Variants in DEF6 observed in about 807,000 individuals in gnomAD.
DEF6 encodes the protein DEF6 guanine nucleotide exchange factor.
A neutral mutation model predicts 80.5 loss-of-function variants in DEF6; 32 were observed. The observed-to-expected ratio is 0.40, with a 90% CI of 0.30 to 0.53. The LOEUF is 0.53. Ranked by LOEUF, DEF6 falls within the 20% of genes least tolerant of loss-of-function variation. The pLI is 0.57. For synonymous variants in DEF6, 300 were observed against 337.9 expected (o/e 0.89, Z 1.23); for missense variants, 575 against 818.7 (o/e 0.70, Z 3.63).
intron 1 of DEF6, among the ~76,000 whole-genome samples, chr6:35,308,447 C>T (rs139827767): frequency 4.5e-4 from 68 of 151,324 alleles, no homozygotes; most frequent in African/African-American, 1.4e-3. Flanking sequence ...CCGAGGTGGG[C>T]GGATCGCCTG....
intron 1 of DEF6, among the ~76,000 whole-genome samples, chr6:35,304,493 A>G (rs529863410): frequency 6.6e-6 from 1 of 152,224 alleles, no homozygotes; most frequent in Non-Finnish European, 1.5e-5. Flanking sequence ...GGGCAAGAAT[A>G]TGCCTGACCT....
chr6:35,312,413 C>G lies in DEF6; in HGVS notation c.535C>G (p.Leu179Val), dbSNP rs1333681949. ...CCAGGTGGCCCAGACCACCGGGGGG[C>G]TCAGCGTCTGGCAGTTCCTGGAGCT... The part of the protein sequence containing the change: ...EAQVAQTTGG[L>V]SVWQFLELFN... The change falls in exon 4 of 11, where the codon CTC (leucine) becomes GTC (valine). Residue 179 changes from leucine to valine, a missense_variant. Leu to Val is a conservative substitution (Grantham distance 32, BLOSUM62 1). Transcript: ENST00000316637. The surrounding 1 kb of genome is among the most constrained non-coding windows in gnomAD (Gnocchi z 6.6). The G allele has an allele frequency of 1.2e-6, 2 of 1,614,158 alleles. No individual in the cohort carries two copies. The highest frequency in any genetic ancestry group is 2.2e-5 in the South Asian group (2 of 91,082).
At position 35,297,936 on chromosome 6, in the gene DEF6, C is replaced by T; in HGVS notation, c.80C>T (p.Ser27Phe). Residue 27 changes from serine (S) to phenylalanine (F), a missense_variant, in exon 1 of 11, where the codon TCC becomes TTC. By Grantham distance (155) the Ser-to-Phe change is radical. Transcript: ENST00000316637. ...ALDVEKSGKVSKSQLKVLSHN... is the reference protein window; with the variant it reads ...ALDVEKSGKVFKSQLKVLSHN... Reference sequence around the variant, plus strand: ...GACGTGGAGAAGAGTGGCAAAGTCTCCAAGTCCCAGCTCAAGGTGAGGGGC... The same window carrying T: ...GACGTGGAGAAGAGTGGCAAAGTCTTCAAGTCCCAGCTCAAGGTGAGGGGC... The T allele has an allele frequency of 6.2e-7, 1 of 1,602,688 alleles. No individual in the cohort carries two copies. Among genetic ancestry groups the T allele is most frequent in the South Asian group, 1.1e-5 (1 of 88,832 alleles).
At chr6:35,317,825 C>A in intron 5 of DEF6, 66 bp from the exon 6 acceptor site, 2 of 1,449,282 alleles carry the variant, frequency 1.4e-6, no homozygotes, top group South Asian at 1.2e-5. Flanking sequence ...GCTGGAGCAC[C>A]CTTGGGGCAG....
intron 1 of DEF6, among the ~76,000 whole-genome samples, chr6:35,299,219 A>G (rs1337828268): frequency 2.6e-5 from 4 of 152,142 alleles, no homozygotes; most frequent in African/African-American, 9.7e-5. Context: ...TCTTCCTTAC[A>G]TCCTATTTAA....
intron 1 of DEF6, among the ~76,000 whole-genome samples, chr6:35,308,672 C>CAAAATAAAAT (rs36231574): frequency 0.031 from 3,640 of 115,674 alleles, 95 homozygotes; most frequent in African/African-American, 0.072. Flanking sequence ...GACTCCGTCT[C>CAAAATAAAAT]AAAATAAAAT....
rs1266162842 is a variant in DEF6, at chr6:35,310,446, G to C, written c.238-13G>C. Reference sequence around the variant, plus strand: ...GAGATATGCAGTCAGCTGATTTGCAGCCCTGGTGGCAGGTGGAGGAGGGGG... The same window carrying C: ...GAGATATGCAGTCAGCTGATTTGCACCCCTGGTGGCAGGTGGAGGAGGGGG... On this transcript the variant is annotated splice_polypyrimidine_tract_variant and intron_variant, in intron 2 of 10. Transcript: ENST00000316637. The C allele has an allele frequency of 6.2e-7, 1 of 1,612,218 alleles. No homozygotes were observed. Among genetic ancestry groups the C allele is most frequent in the Admixed American group, 1.7e-5 (1 of 60,028 alleles).
At chr6:35,321,079 A>C in intron 10 of DEF6, 105 bp downstream of exon 10, 1 of 1,549,102 alleles carries the variant, frequency 6.5e-7, no homozygotes, top group Non-Finnish European at 8.9e-7. Flanking sequence ...CAGCAAAAGC[A>C]GGACTGGCAG....
chr6:35,309,530 T>C (rs1415487458), intron 1 of DEF6, 140 bp from the exon 2 acceptor site: 2 of 907,594 alleles, frequency 2.2e-6, no homozygotes, highest in Non-Finnish European at 3.3e-6. Flanking sequence ...ATATAAGTTT[T>C]AGTTATTACT....
intron 1 of DEF6, among the ~76,000 whole-genome samples, chr6:35,302,466 G>C (rs767005604): frequency 1.3e-5 from 2 of 152,160 alleles, no homozygotes; most frequent in African/African-American, 2.4e-5. Context: ...TACAGAATCA[G>C]TTCTTGCTGA....
chr6:35,307,356 G>A (rs757200022), intron 1 of DEF6, among the ~76,000 whole-genome samples: 3 of 152,272 alleles, frequency 2.0e-5, no homozygotes, highest in Non-Finnish European at 2.9e-5. Flanking sequence ...CCAACACCGC[G>A]CCACTGCGCT....
intron 5 of DEF6, among the ~76,000 whole-genome samples, chr6:35,314,477 A>T (rs992455296): frequency 2.0e-5 from 3 of 150,204 alleles, no homozygotes; most frequent in African/African-American, 2.4e-5. Context: ...GGATGAAATG[A>T]TATCTCATTT....
chr6:35,308,555 C>T (rs1005536201), intron 1 of DEF6, among the ~76,000 whole-genome samples: 13 of 151,842 alleles, frequency 8.6e-5, no homozygotes, highest in Non-Finnish European at 1.3e-4. Context: ...TGCCTGTAAT[C>T]CCAGCTACTT....
In DEF6 at chr6:35,321,391, A is replaced by G; in HGVS notation, c.1877A>G (p.Asp626Gly). ...TCCACCCCTCAGGAAGATAAACTGG[A>G]TCCAGCACCAGAAAATTAGCCTCTC... ...PASTPQEDKL[D>G]PAPEN is the part of the protein sequence containing the mutation. The change falls in exon 11 of 11, where the codon GAT (aspartate) becomes GGT (glycine). Residue 626 changes from aspartate (D) to glycine (G), a missense_variant. Coordinates refer to ENST00000316637, the MANE Select transcript of DEF6 (RefSeq NM_022047.4). The G allele has an allele frequency of 6.2e-7, 1 of 1,613,722 alleles. No homozygotes were observed. The highest frequency in any genetic ancestry group is 8.5e-7 in the Non-Finnish European group (1 of 1,179,684).
In DEF6 at chr6:35,318,349, G is replaced by T. The variant is rs1279624408; in HGVS notation, c.1093G>T (p.Glu365Ter). Residue 365 changes from glutamate (E) to a stop codon, truncating the protein, a stop_gained, in exon 7 of 11, where the codon GAG (glutamate) becomes TAG (stop). Transcript: ENST00000316637. LOFTEE classifies it high-confidence loss of function. The surrounding 1 kb of genome is among the most constrained non-coding windows in gnomAD (Gnocchi z 5.1). Reference protein sequence around the residue: ...EEKERKLQELELLQEAQRQAE... With the variant: ...EEKERKLQEL Reference sequence around the variant, plus strand: ...GAAGGAGCGGAAGCTGCAGGAGCTGGAGCTGCTGCAGGAGGCGCAGCGGCA... The same window carrying T: ...GAAGGAGCGGAAGCTGCAGGAGCTGTAGCTGCTGCAGGAGGCGCAGCGGCA... 13 of 1,543,664 alleles carry T rather than the reference G, an allele frequency of 8.4e-6. No individual in the cohort carries two copies. Among genetic ancestry groups the T allele is most frequent in the Non-Finnish European group, 1.1e-5 (13 of 1,146,420 alleles).
intron 5 of DEF6, among the ~76,000 whole-genome samples, chr6:35,314,989 GTTAT>G (rs1791508092): frequency 6.6e-6 from 1 of 152,068 alleles, no homozygotes. Flanking sequence ...TCTGCATGTG[GTTAT>G]TTAGTTTTCC....
In DEF6 at chr6:35,313,294, G is replaced by A. The variant is rs371330827; in HGVS notation, c.807+522G>A. ...ACTTCCCATTTTAACTATTTTAAGC[G>A]TACAATTCAGTGGCATTAAATACAT... On this transcript the variant is annotated intron_variant, in intron 5 of 10. Coordinates refer to ENST00000316637, the MANE Select transcript of DEF6 (RefSeq NM_022047.4). The A allele has an allele frequency of 2.4e-4, 101 of 425,746 alleles. 1 individual carries two copies. Among genetic ancestry groups the A allele is most frequent in the South Asian group, 1.1e-3 (64 of 58,286 alleles). 26.4% of individuals were successfully genotyped at this position (425,746 alleles called of 1,614,324 possible).
intron 5 of DEF6, among the ~76,000 whole-genome samples, chr6:35,315,255 T>A (rs1170090828): frequency 1.3e-5 from 2 of 152,154 alleles, no homozygotes; most frequent in Non-Finnish European, 2.9e-5. Context: ...AGTGGTATGA[T>A]CATAGGTCAC....
chr6:35,299,657 A>T (rs1232864356), intron 1 of DEF6, among the ~76,000 whole-genome samples: 1 of 152,188 alleles, frequency 6.6e-6, no homozygotes, highest in African/African-American at 2.4e-5. Flanking sequence ...TCTGTACCTC[A>T]TCACAGCTCA....
Sources: gnomAD v4.1 joint callset for allele counts (sites outside exome capture counted in the v4.1 genomes callset) on GRCh38, gnomAD v4.1.1 for gene constraint, Gnocchi (gnomAD v3.1) non-coding constraint, MANE v1.5 for transcripts, NCBI Gene and HGNC (gene_info 2026-07-23, HGNC 2026-07-21) for gene names.